The following ZSWIM6 variants were observed in gnomAD, a reference collection of about 807,000 sequenced individuals.
ZSWIM6 encodes the protein zinc finger SWIM domain-containing protein 6.
Under a neutral mutation model 113.2 loss-of-function variants are expected in ZSWIM6, and 9 were observed. That is an observed-to-expected ratio of 0.08 (90% confidence interval 0.05 to 0.14). The LOEUF is 0.14. ZSWIM6 is among the 10% of genes least tolerant of loss of function. The pLI is 1.00. For missense variants in ZSWIM6, 1,162 were observed against 1,552.2 expected, an observed-to-expected ratio of 0.75 and a Z score of 4.22; for synonymous variants, 611 against 606.5, an observed-to-expected ratio of 1.01 and a Z score of -0.11.
chr5:61,386,008 C>T (rs1745585723), intron 1 of ZSWIM6, among the ~76,000 whole-genome samples: 1 of 152,186 alleles, frequency 6.6e-6, no homozygotes, highest in African/African-American at 2.4e-5. Flanking sequence ...AACAGTGGCA[C>T]TATTGCCCAG....
At chr5:61,518,822 T>G (rs868840150) in intron 4 of ZSWIM6, among the ~76,000 whole-genome samples, 92 of 152,142 alleles carry the variant, frequency 6.0e-4, no homozygotes, top group Middle Eastern at 3.4e-3. Flanking sequence ...TTTGGCTTTT[T>G]TTGCCATTGC....
intron 4 of ZSWIM6, among the ~76,000 whole-genome samples, chr5:61,494,898 T>G (rs1338976658): frequency 6.6e-6 from 1 of 152,128 alleles, no homozygotes. Context: ...ATTCTAATAT[T>G]TATTGCTTCC....
At chr5:61,446,149 C>T (rs999654493) in intron 1 of ZSWIM6, among the ~76,000 whole-genome samples, 1 of 152,164 alleles carries the variant, frequency 6.6e-6, no homozygotes, top group African/African-American at 2.4e-5. Flanking sequence ...GCCTCAGCCT[C>T]CTGAGAAGCT....
rs1300057444 is a variant in ZSWIM6 at position 61,542,121 on chromosome 5, C to T, written c.2785+156C>T. ...GGCTTCCTTCTCCCTGACCCCTTACCCCTAACCTTCAGTTATACATACTTG... is the reference window on the plus strand; with the variant it reads ...GGCTTCCTTCTCCCTGACCCCTTACTCCTAACCTTCAGTTATACATACTTG... On this transcript the variant is annotated intron_variant, in intron 13 of 13. Coordinates refer to ENST00000252744, the MANE Select transcript of ZSWIM6 (RefSeq NM_020928.2). Among the ~76,000 whole-genome samples the T allele has an allele frequency of 2.6e-5, 4 of 152,316 alleles. No homozygotes were observed. In the East Asian group the frequency reaches 7.7e-4, roughly 29 times the overall value.
chr5:61,491,403 A>G (rs1748172322), intron 3 of ZSWIM6, among the ~76,000 whole-genome samples: 1 of 152,074 alleles, frequency 6.6e-6, no homozygotes, highest in Admixed American at 6.6e-5. Flanking sequence ...TCCAAGTTCT[A>G]GATCTTTCTA....
intron 1 of ZSWIM6, among the ~76,000 whole-genome samples, chr5:61,333,961 C>T (rs1265019686): frequency 6.6e-6 from 1 of 152,176 alleles, no homozygotes; most frequent in Admixed American, 6.5e-5. Flanking sequence ...CCCGCGTCCC[C>T]GCGGCGCGGC....
At chr5:61,336,719 C>A (rs1296275270) in intron 1 of ZSWIM6, among the ~76,000 whole-genome samples, 1 of 152,142 alleles carries the variant, frequency 6.6e-6, no homozygotes, top group South Asian at 2.1e-4. Context: ...CGCATCATTG[C>A]ACACTCCAGC....
chr5:61,518,744 T>C (rs1262347432), intron 4 of ZSWIM6, among the ~76,000 whole-genome samples: 2 of 152,162 alleles, frequency 1.3e-5, no homozygotes, highest in African/African-American at 4.8e-5. Context: ...AGGTTGCCTG[T>C]TCACTCTGAT....
At chr5:61,346,861 A>G (rs986207289) in intron 1 of ZSWIM6, among the ~76,000 whole-genome samples, 2 of 152,210 alleles carry the variant, frequency 1.3e-5, no homozygotes, top group Non-Finnish European at 2.9e-5. Context: ...AATGACTACT[A>G]CTGTGGGGGA....
At chr5:61,357,805 G>C (rs1381488887) in intron 1 of ZSWIM6, among the ~76,000 whole-genome samples, 1 of 150,922 alleles carries the variant, frequency 6.6e-6, no homozygotes, top group Admixed American at 6.6e-5. Flanking sequence ...TTCTCTGTTG[G>C]CTAGGGAAAT....
Position 61,446,117 on chromosome 5 carries a change from C to T in ZSWIM6, c.677-26564C>T, listed in dbSNP as rs184094883. ...TCTTGGCTCACTGCAACCTCCACCT[C>T]CCGGGTTCAAGTGATTCTCCTGCCT... On this transcript the variant is annotated intron_variant, in intron 1 of 13. Coordinates refer to ENST00000252744, the MANE Select transcript of ZSWIM6 (RefSeq NM_020928.2). Among the ~76,000 whole-genome samples, 476 of 152,286 alleles carry T rather than the reference C, an allele frequency of 3.1e-3. 13 individuals are homozygous for T. The highest frequency in any genetic ancestry group is 1.7e-3 in the South Asian group (8 of 4,826).
chr5:61,505,681 TGC>T (rs1748593776), intron 4 of ZSWIM6, among the ~76,000 whole-genome samples: 1 of 69,714 alleles, frequency 1.4e-5, no homozygotes, highest in African/African-American at 6.4e-5. Context: ...CTTCTTTCCT[TGC>T]CTCCCTCCCT....
chr5:61,429,726 A>G (rs550850965), intron 1 of ZSWIM6, among the ~76,000 whole-genome samples: 3 of 152,028 alleles, frequency 2.0e-5, no homozygotes, highest in Non-Finnish European at 4.4e-5. Flanking sequence ...TTGTAGTGCA[A>G]GGTGTGGGAA....
At chr5:61,425,376 G>A (rs1248854487) in intron 1 of ZSWIM6, among the ~76,000 whole-genome samples, 1 of 152,134 alleles carries the variant, frequency 6.6e-6, no homozygotes, top group African/African-American at 2.4e-5. Context: ...CTGGTATCTG[G>A]CATAAAATAA....
chr5:61,545,895 C>A lies in ZSWIM6; in HGVS notation c.*1578C>A, dbSNP rs771193095. The A allele has an allele frequency of 1.3e-5, 2 of 152,044 alleles. No homozygotes were observed. Among genetic ancestry groups the A allele is most frequent in the Non-Finnish European group, 2.9e-5 (2 of 68,018 alleles). The allele number at this position is 152,044 out of a possible 1,614,324, so 9.4% of individuals were successfully genotyped here. A position where few individuals can be genotyped will look rare whatever the true frequency, so the allele number is the denominator to read the frequency against. ...TTTTGGTGCAAAAGTTGTCCAGTGT[C>A]TCTTGTTCCCTTCACTAGAGAACAT... is the stretch of plus-strand genomic sequence containing the variant. On this transcript the variant is annotated 3_prime_UTR_variant, in exon 14 of 14. Transcript: ENST00000252744.
chr5:61,536,682 A>T lies in ZSWIM6; in HGVS notation c.2381+1063A>T, dbSNP rs141977204. On this transcript the variant is annotated intron_variant, in intron 10 of 13. Transcript: ENST00000252744. ...TTGAGTGTAGCTTATGTGTATAAGG[A>T]CACCTCTTTTTTATGCAGTGATAAG... is the stretch of plus-strand genomic sequence containing the variant. Among the ~76,000 whole-genome samples, 112 of 152,244 alleles carry T rather than the reference A, an allele frequency of 7.4e-4. 1 individual carries two copies. The highest frequency in any genetic ancestry group is 3.4e-3 in the Middle Eastern group (1 of 294).
intron 1 of ZSWIM6, among the ~76,000 whole-genome samples, chr5:61,465,879 A>T (rs536651803): frequency 4.7e-4 from 71 of 152,308 alleles, no homozygotes; most frequent in African/African-American, 1.4e-3. Flanking sequence ...GATGAAAACC[A>T]CTTCATTAGT....
intron 1 of ZSWIM6, among the ~76,000 whole-genome samples, chr5:61,388,687 T>G (rs1363835789): frequency 1.3e-5 from 2 of 152,262 alleles, no homozygotes; most frequent in African/African-American, 4.8e-5. Context: ...GAGCTAGTAT[T>G]TGAACACACA....
intron 1 of ZSWIM6, among the ~76,000 whole-genome samples, chr5:61,396,241 G>A (rs1022358728): frequency 6.6e-6 from 1 of 152,042 alleles, no homozygotes; most frequent in Non-Finnish European, 1.5e-5. Context: ...TTTGAGAATT[G>A]AATGTTTTTT....
Sources: allele counts gnomAD v4.1 joint callset (sites outside exome capture counted in the v4.1 genomes callset), GRCh38; gene constraint gnomAD v4.1.1; transcripts MANE v1.5; gene names NCBI Gene and HGNC (gene_info 2026-07-23, HGNC 2026-07-21).